The following MAPKAPK3 variants were observed in gnomAD, a reference collection of about 807,000 sequenced individuals.
MAPKAPK3 encodes the protein MAPK activated protein kinase 3.
A neutral mutation model predicts 49.2 loss-of-function variants in MAPKAPK3; 35 were observed. That is an observed-to-expected ratio of 0.71 (90% confidence interval 0.54 to 0.94). The LOEUF (loss-of-function observed/expected upper bound fraction) is 0.94. MAPKAPK3 is among the 40% of genes least tolerant of loss of function. The pLI is 0.00. For synonymous variants in MAPKAPK3, 178 were observed against 188.7 expected, an observed-to-expected ratio of 0.94 and a Z score of 0.46; for missense variants, 398 against 493.1, an observed-to-expected ratio of 0.81 and a Z score of 1.83.
At chr3:50,611,622 C>T (rs1470307941), upstream of MAPKAPK3, 1 of 1,518,130 alleles carries the variant, frequency 6.6e-7, no homozygotes, top group Non-Finnish European at 8.8e-7. Context: ...GGCAGAGAGC[C>T]GCGCTTACCC....
chr3:50,622,141 G>A (rs2032624843), intron 2 of MAPKAPK3, among the ~76,000 whole-genome samples: 1 of 152,156 alleles, frequency 6.6e-6, no homozygotes, highest in African/African-American at 2.4e-5. Context: ...TCTGCATGTG[G>A]GATCTCAGTG....
Position 50,646,829 on chromosome 3 carries a change from A to T in MAPKAPK3, c.915+4A>T, listed in dbSNP as rs758969413. 1 of 1,613,742 alleles carries T rather than the reference A, an allele frequency of 6.2e-7. No individual in the cohort carries two copies. Among genetic ancestry groups the T allele is most frequent in the Non-Finnish European group, 8.5e-7 (1 of 1,179,812 alleles). On this transcript the variant is annotated splice_donor_region_variant and intron_variant, in intron 9 of 10. Coordinates refer to ENST00000621469, the MANE Select transcript of MAPKAPK3 (RefSeq NM_001243925.2). The stretch of plus-strand genomic sequence containing the variant: ...CATGAACCACCCCTGGATCAACGTG[A>T]GCCCCTCCTCCTCCCATGGCAGGCA...
intron 2 of MAPKAPK3, among the ~76,000 whole-genome samples, chr3:50,634,176 A>G (rs2032977017): frequency 6.6e-6 from 1 of 152,218 alleles, no homozygotes; most frequent in Non-Finnish European, 1.5e-5. Context: ...TAAAGGAAAC[A>G]TCATCTCAAA....
chr3:50,611,586 G>A (rs200785179), upstream of MAPKAPK3: 498 of 1,523,844 alleles, frequency 3.3e-4, 1 homozygote, highest in African/African-American at 6.0e-3. Context: ...GTTCTCCCGT[G>A]CGCCCCTCGT....
intron 4 of MAPKAPK3, 21 bp from the exon 5 acceptor site, chr3:50,642,232 C>T: frequency 1.3e-6 from 2 of 1,565,236 alleles, no homozygotes; most frequent in Non-Finnish European, 1.8e-6. Context: ...TCACTGACCC[C>T]CTCCTCCTCT....
At chr3:50,617,330 C>T in intron 1 of MAPKAPK3, 89 bp downstream of exon 1, 3 of 422,922 alleles carry the variant, frequency 7.1e-6, no homozygotes, top group African/African-American at 2.0e-5. Flanking sequence ...GACACGTGCC[C>T]GGGCGGTGCT....
Position 50,647,975 on chromosome 3 carries a change from C to T in MAPKAPK3, c.1078C>T (p.Arg360Trp), listed in dbSNP as rs762190469. 7 of 1,613,858 alleles carry T rather than the reference C, an allele frequency of 4.3e-6. No individual in the cohort carries two copies. Among genetic ancestry groups the T allele is most frequent in the East Asian group, 2.2e-5 (1 of 44,882 alleles). The change falls in exon 11 of 11, where the codon CGG (arginine) becomes TGG (tryptophan). Residue 360 changes from arginine to tryptophan, a missense_variant. Arg to Trp is a moderately radical substitution (Grantham distance 101). This residue lies in a region of MAPKAPK3 where 152 missense variants were observed against 177.3 expected (regional missense o/e 0.86). Transcript: ENST00000621469. ...CAAGGACCTGAAGACCTCTAACAAC[C>T]GGCTCCTCAACAAGAGGAGAAAAAA... Reference protein sequence around the residue: ...KIKDLKTSNNRLLNKRRKKQA... With the variant: ...KIKDLKTSNNWLLNKRRKKQA...
At chr3:50,637,653 AAAAG>A (rs2033073190) in intron 2 of MAPKAPK3, among the ~76,000 whole-genome samples, 1 of 150,786 alleles carries the variant, frequency 6.6e-6, no homozygotes, top group African/African-American at 2.4e-5. Context: ...AAAGAAAAGA[AAAAG>A]AAAAAAAGGT....
intron 5 of MAPKAPK3, among the ~76,000 whole-genome samples, chr3:50,643,673 T>G (rs372178457): frequency 6.6e-6 from 1 of 152,196 alleles, no homozygotes; most frequent in South Asian, 2.1e-4. Flanking sequence ...AAACTGCTTC[T>G]CTGTTTTTAT....
At chr3:50,624,052 A>G (rs1399107002) in intron 2 of MAPKAPK3, among the ~76,000 whole-genome samples, 1 of 152,232 alleles carries the variant, frequency 6.6e-6, no homozygotes, top group East Asian at 1.9e-4. Flanking sequence ...GCCTTTTCCC[A>G]GGCCTTGTGA....
rs2032510132 is a variant in MAPKAPK3, at chr3:50,617,772, G to A, written c.207G>A (p.Lys69=). ...GCTTCCATCGGCGCACTGGACAGAA[G>A]TGTGCCCTGAAGGTCAGTGAGCCCT... ...LECFHRRTGQ[K]CALKLLYDSP... Residue 69 remains lysine, a synonymous_variant, in exon 2 of 11, where the codon AAG becomes AAA. Coordinates refer to ENST00000621469, the MANE Select transcript of MAPKAPK3 (RefSeq NM_001243925.2). The A allele has an allele frequency of 1.9e-6, 3 of 1,613,340 alleles. No individual in the cohort carries two copies. The African/African-American group carries it at 4.0e-5, about 22-fold the overall frequency.
intron 3 of MAPKAPK3, among the ~76,000 whole-genome samples, 168 bp downstream of exon 3, chr3:50,640,673 A>G (rs926857910): frequency 4.6e-5 from 7 of 152,162 alleles, no homozygotes; most frequent in Non-Finnish European, 1.0e-4. Flanking sequence ...CTGTGGATCT[A>G]TGGAGTTGGC....
At chr3:50,647,451 CCT>C (rs1231558154) in intron 10 of MAPKAPK3, among the ~76,000 whole-genome samples, 2 of 152,206 alleles carry the variant, frequency 1.3e-5, no homozygotes, top group Non-Finnish European at 2.9e-5. Flanking sequence ...TGGATGATGA[CCT>C]CTCTTATAAC....
At chr3:50,644,662 A>G (rs2033248292) in intron 6 of MAPKAPK3, 130 bp downstream of exon 6, 5 of 982,782 alleles carry the variant, frequency 5.1e-6, no homozygotes, top group Non-Finnish European at 7.4e-6. Context: ...TTCTGTCTGC[A>G]TGGAGGCGGG....
upstream of MAPKAPK3, among the ~76,000 whole-genome samples, chr3:50,615,108 C>T (rs892858740): frequency 1.3e-5 from 2 of 152,224 alleles, no homozygotes; most frequent in Non-Finnish European, 2.9e-5. Context: ...GCCTAGCCTT[C>T]TGCTCACCAG....
Position 50,648,086 on chromosome 3 carries a change from T to A in MAPKAPK3, c.*40T>A. The A allele has an allele frequency of 6.3e-7, 1 of 1,586,736 alleles. No individual in the cohort carries two copies. The highest frequency in any genetic ancestry group is 8.6e-7 in the Non-Finnish European group (1 of 1,167,912). Reference sequence around the variant, plus strand: ...GAGGAGCCTGGCCTCTCAGCCTGCATAACAGACTGAAATGTGCTCAGGCCC... The same window carrying A: ...GAGGAGCCTGGCCTCTCAGCCTGCAAAACAGACTGAAATGTGCTCAGGCCC... On this transcript the variant is annotated 3_prime_UTR_variant, in exon 11 of 11. Coordinates refer to ENST00000621469, the MANE Select transcript of MAPKAPK3 (RefSeq NM_001243925.2).
chr3:50,637,080 C>T (rs1286616905), intron 2 of MAPKAPK3, among the ~76,000 whole-genome samples: 1 of 152,150 alleles, frequency 6.6e-6, no homozygotes, highest in East Asian at 1.9e-4. Flanking sequence ...AGGGCAGCTC[C>T]ACCTGCTCCT....
rs555316291 is a variant in MAPKAPK3 at position 50,628,459 on chromosome 3, G to C, written c.219+10675G>C. On this transcript the variant is annotated intron_variant, in intron 2 of 10. Transcript: ENST00000621469. Reference sequence around the variant, plus strand: ...GTTTGCTAAAATGTTCCAGTCTTATGATGAAAATGTCCTATTTTTACACTG... The same window carrying C: ...GTTTGCTAAAATGTTCCAGTCTTATCATGAAAATGTCCTATTTTTACACTG... 8.5e-5 allele frequency among the ~76,000 whole-genome samples: 13 copies of C among 152,354 alleles called. No homozygotes were observed. The East Asian group carries it at 2.3e-3, about 27-fold the overall frequency.
chr3:50,632,075 A>T lies in MAPKAPK3; in HGVS notation c.220-8291A>T, dbSNP rs2107586313. Among the ~76,000 whole-genome samples, 3 of 152,364 alleles carry T rather than the reference A, an allele frequency of 2.0e-5. 1 individual carries two copies. The Middle Eastern group carries it at 0.01, about 518-fold the overall frequency. On this transcript the variant is annotated intron_variant, in intron 2 of 10. Transcript: ENST00000621469. ...TGGCCCACATGCCAGGCGATAGCTG[A>T]GGCATATGTGCTGGCCTCAGTCTTC...
Sources: gnomAD v4.1 joint callset for allele counts (sites outside exome capture counted in the v4.1 genomes callset) on GRCh38, gnomAD v4.1.1 for gene constraint, gnomAD v4.1.1 regional missense constraint, MANE v1.5 for transcripts, NCBI Gene and HGNC (gene_info 2026-07-23, HGNC 2026-07-21) for gene names.